PXDNL: variants seen among roughly 807,000 people sequenced by gnomAD.
The protein encoded by PXDNL is probable oxidoreductase PXDNL.
A neutral mutation model predicts 150.8 loss-of-function variants in PXDNL; 145 were observed. The observed-to-expected ratio is 0.96, with a 90% CI of 0.84 to 1.10. PXDNL has a LOEUF of 1.10. PXDNL is among the 50% of genes least tolerant of loss of function. PXDNL has a pLI of 0.00. For synonymous variants in PXDNL, 757 were observed against 725.7 expected, an observed-to-expected ratio of 1.04 and a Z score of -0.69; for missense variants, 2,087 against 1,873.9, an observed-to-expected ratio of 1.11 and a Z score of -2.10.
chr8:51,397,141 T>C (rs995835379), intron 17 of PXDNL, among the ~76,000 whole-genome samples: 4 of 152,230 alleles, frequency 2.6e-5, no homozygotes, highest in Non-Finnish European at 1.5e-5. Context: ...CTGCTGTTCT[T>C]AAAGTGATTA....
chr8:51,392,756 G>T (rs375044511), intron 17 of PXDNL, among the ~76,000 whole-genome samples: 1 of 152,104 alleles, frequency 6.6e-6, no homozygotes, highest in Non-Finnish European at 1.5e-5. Flanking sequence ...AATTGCCCTG[G>T]CCAGAACTTC....
chr8:51,805,342 TA>T (rs1448497652), intron 1 of PXDNL, among the ~76,000 whole-genome samples: 6 of 148,540 alleles, frequency 4.0e-5, no homozygotes, highest in Non-Finnish European at 5.9e-5. Flanking sequence ...TATACAATTT[TA>T]TATATAAAAC....
intron 8 of PXDNL, among the ~76,000 whole-genome samples, chr8:51,461,504 T>C (rs1810082978): frequency 6.6e-6 from 1 of 152,202 alleles, no homozygotes; most frequent in Non-Finnish European, 1.5e-5. Flanking sequence ...CCTGCAGCCA[T>C]CTGCTGGGCA....
intron 1 of PXDNL, among the ~76,000 whole-genome samples, chr8:51,723,984 T>C (rs1033829674): frequency 1.3e-5 from 2 of 150,052 alleles, no homozygotes; most frequent in South Asian, 2.1e-4. Context: ...ATGGAGGAGT[T>C]TGAGGGTTGA....
intron 5 of PXDNL, among the ~76,000 whole-genome samples, chr8:51,498,079 C>T (rs1383322115): frequency 6.6e-6 from 1 of 152,034 alleles, no homozygotes; most frequent in Non-Finnish European, 1.5e-5. Flanking sequence ...GGCACATATA[C>T]ACCATGGAAT....
chr8:51,559,661 G>A (rs183308510), intron 3 of PXDNL, among the ~76,000 whole-genome samples: 244 of 152,072 alleles, frequency 1.6e-3, no homozygotes, highest in African/African-American at 5.2e-3. Context: ...AGGGACTCTG[G>A]CAGAAGGGGT....
chr8:51,609,523 T>C (rs960850890), intron 2 of PXDNL, among the ~76,000 whole-genome samples: 5 of 152,094 alleles, frequency 3.3e-5, no homozygotes, highest in African/African-American at 1.2e-4. Flanking sequence ...AATTCAGAAG[T>C]GGGAACCAGG....
chr8:51,363,463 G>A (rs1586035999), intron 19 of PXDNL, among the ~76,000 whole-genome samples: 1 of 152,248 alleles, frequency 6.6e-6, no homozygotes, highest in Non-Finnish European at 1.5e-5. Flanking sequence ...CAACTCTAGG[G>A]GTTCCACGTG....
At chr8:51,425,574 T>C (rs545100062) in intron 13 of PXDNL, among the ~76,000 whole-genome samples, 1 of 152,004 alleles carries the variant, frequency 6.6e-6, no homozygotes, top group South Asian at 2.1e-4. Flanking sequence ...TGGCTCACAC[T>C]TGTAATCCCA....
At chr8:51,480,238 A>G (rs1440550052) in intron 6 of PXDNL, among the ~76,000 whole-genome samples, 1 of 152,190 alleles carries the variant, frequency 6.6e-6, no homozygotes, top group Admixed American at 6.5e-5. Flanking sequence ...GCATTGCCAT[A>G]AAGAAATACC....
chr8:51,568,801 C>T (rs1355116458), intron 3 of PXDNL, among the ~76,000 whole-genome samples: 1 of 151,598 alleles, frequency 6.6e-6, no homozygotes, highest in South Asian at 2.1e-4. Flanking sequence ...CATCCTTTTT[C>T]TCTTTGTATT....
chr8:51,349,173 G>C (rs1586022000), intron 19 of PXDNL, among the ~76,000 whole-genome samples: 1 of 22,328 alleles, frequency 4.5e-5, no homozygotes, highest in African/African-American at 6.4e-5. Context: ...GTGTGTGTGT[G>C]GGGGTGTGTG....
chr8:51,380,061 T>C (rs758042600), intron 17 of PXDNL, among the ~76,000 whole-genome samples: 3 of 151,766 alleles, frequency 2.0e-5, no homozygotes, highest in African/African-American at 4.8e-5. Flanking sequence ...CTGGGCCACA[T>C]TGAAAAAAGA....
intron 22 of PXDNL, 68 bp downstream of exon 22, chr8:51,320,716 C>A (rs7827306): frequency 0.26 from 287,987 of 1,118,932 alleles, 40,760 homozygotes; most frequent in African/African-American, 0.57. Flanking sequence ...TTGAATTTTT[C>A]AAGTATGCTT....
At chr8:51,405,948 A>T (rs1808424211) in intron 17 of PXDNL, among the ~76,000 whole-genome samples, 1 of 152,330 alleles carries the variant, frequency 6.6e-6, no homozygotes, top group Non-Finnish European at 1.5e-5. Flanking sequence ...CCAATATCCC[A>T]TAGGCATGAA....
intron 1 of PXDNL, among the ~76,000 whole-genome samples, chr8:51,784,372 TCTTAAGCAGATCAATCAG>T (rs1355845646): frequency 6.6e-6 from 1 of 152,240 alleles, no homozygotes; most frequent in African/African-American, 2.4e-5. Context: ...TTTTACGAAT[TCTTAAGCAGATCAATCAG>T]CATAATACAC....
chr8:51,420,002 CT>C (rs968766670), intron 14 of PXDNL, among the ~76,000 whole-genome samples: 3 of 152,100 alleles, frequency 2.0e-5, no homozygotes, highest in African/African-American at 7.2e-5. Flanking sequence ...CTGTGGAAAT[CT>C]TTTTGTTCTT....
intron 1 of PXDNL, among the ~76,000 whole-genome samples, chr8:51,744,430 G>C (rs1175347109): frequency 1.3e-5 from 2 of 151,382 alleles, no homozygotes; most frequent in Non-Finnish European, 1.5e-5. Flanking sequence ...CACTTTGGGA[G>C]GCCGAGGTGG....
intron 1 of PXDNL, among the ~76,000 whole-genome samples, chr8:51,668,956 T>G (rs1389080250): frequency 6.6e-6 from 1 of 152,146 alleles, no homozygotes; most frequent in African/African-American, 2.4e-5. Context: ...CATGGATGGA[T>G]GGATGTAGGC....
Sources: gnomAD v4.1 joint callset for allele counts (sites outside exome capture counted in the v4.1 genomes callset) on GRCh38, gnomAD v4.1.1 for gene constraint, MANE v1.5 for transcripts, NCBI Gene and HGNC (gene_info 2026-07-23, HGNC 2026-07-21) for gene names.